Variants in GFPT2 observed in about 807,000 individuals in gnomAD.
GFPT2 encodes the protein glutamine--fructose-6-phosphate aminotransferase [isomerizing] 2.
GFPT2 carries 62 observed loss-of-function variants against 85.6 expected under a neutral mutation model. The observed-to-expected ratio is 0.72, with a 90% CI of 0.59 to 0.90. The LOEUF is 0.90. Ranked by LOEUF, GFPT2 falls within the 40% of genes least tolerant of loss-of-function variation. GFPT2 has a pLI of 0.00. For missense variants in GFPT2, 788 were observed against 893.4 expected, an observed-to-expected ratio of 0.88 and a Z score of 1.50; for synonymous variants, 368 against 344.5, an observed-to-expected ratio of 1.07 and a Z score of -0.75.
At chr5:180,333,297 C>T (rs1053718955) in intron 4 of GFPT2, among the ~76,000 whole-genome samples, 4 of 151,740 alleles carry the variant, frequency 2.6e-5, no homozygotes, top group East Asian at 1.9e-4. Context: ...TGCAGTGGCG[C>T]GAGCTCGGCT....
chr5:180,339,102 G>A (rs536656599), intron 1 of GFPT2, among the ~76,000 whole-genome samples: 6 of 152,120 alleles, frequency 3.9e-5, no homozygotes, highest in African/African-American at 1.2e-4. Context: ...TACTTGAGCC[G>A]GGGGCGGTGG....
rs577921739 is a variant in GFPT2 at position 180,350,554 on chromosome 5, C to T, written c.7+2657G>A. On this transcript the variant is annotated intron_variant, in intron 1 of 18. Transcript: ENST00000253778. ...CCTTCTTTGAGGGGAGGACCACACC[C>T]ATGAGATCTTCGAGTCCCCCAGGGC... Among the ~76,000 whole-genome samples, 135 of 152,306 alleles carry T rather than the reference C, an allele frequency of 8.9e-4. 1 individual carries two copies. Among genetic ancestry groups the T allele is most frequent in the Middle Eastern group, 3.4e-3 (1 of 294 alleles).
intron 4 of GFPT2, 147 bp downstream of exon 4, chr5:180,335,681 G>T: frequency 1.2e-6 from 1 of 836,080 alleles, no homozygotes; most frequent in Non-Finnish European, 1.8e-6. Context: ...AGAGCTCTGG[G>T]AGAGGGGACA....
Position 180,328,019 on chromosome 5 carries a change from C to T in GFPT2, c.596+258G>A, listed in dbSNP as rs1225870682. Among the ~76,000 whole-genome samples, 1 of 152,050 alleles carries T rather than the reference C, an allele frequency of 6.6e-6. No homozygotes were observed. The highest frequency in any genetic ancestry group is 1.5e-5 in the Non-Finnish European group (1 of 68,012). On this transcript the variant is annotated intron_variant, in intron 7 of 18. Coordinates refer to ENST00000253778, the MANE Select transcript of GFPT2 (RefSeq NM_005110.4). The surrounding 1 kb of genome is among the most constrained non-coding windows in gnomAD (Gnocchi z 5.4). The stretch of plus-strand genomic sequence containing the variant: ...TTTATTTATAACTGGAATTTGTTGC[C>T]CACCTCTAAAAATCTGTGGAGATTT...
rs1187385339 is a variant in GFPT2 at position 180,324,822 on chromosome 5, T to C, written c.670A>G (p.Arg224Gly). The C allele has an allele frequency of 6.3e-7, 1 of 1,590,586 alleles. No homozygotes were observed. Among genetic ancestry groups the C allele is most frequent in the South Asian group, 1.1e-5 (1 of 90,576 alleles). ...TACTTCTTGAGAAACTTACACGTCC[T>C]GTATAAGATAGGGATCTGTTCTGTG... ...LSTEQIPILY[R>G]TCTLENVKNI... The change falls in exon 8 of 19, where the codon AGG (arginine) becomes GGG (glycine). Residue 224 changes from arginine (R) to glycine (G), a missense_variant. Physicochemically the swap from Arg to Gly is moderately radical, Grantham distance 125. Coordinates refer to ENST00000253778, the MANE Select transcript of GFPT2 (RefSeq NM_005110.4).
intron 15 of GFPT2, 22 bp downstream of exon 15, chr5:180,312,408 A>G (rs1561873571): frequency 8.2e-7 from 1 of 1,226,044 alleles, no homozygotes; most frequent in Non-Finnish European, 1.2e-6. Context: ...GAAAACATGG[A>G]AAGCTGAATT....
At chr5:180,352,724 C>G in intron 1 of GFPT2, 1 of 407,106 alleles carries the variant, frequency 2.5e-6, no homozygotes, top group Non-Finnish European at 4.8e-6. Flanking sequence ...ACCGGGCGGG[C>G]TGCGGGGACG....
chr5:180,333,383 C>T (rs1007532991), intron 4 of GFPT2, among the ~76,000 whole-genome samples: 8 of 152,104 alleles, frequency 5.3e-5, no homozygotes, highest in African/African-American at 1.4e-4. Context: ...CACAGGCACC[C>T]GCCACCATGC....
intron 3 of GFPT2, 110 bp from the exon 4 acceptor site, chr5:180,336,063 C>A: frequency 2.8e-6 from 3 of 1,063,868 alleles, no homozygotes; most frequent in Non-Finnish European, 2.7e-6. Flanking sequence ...ACCGATGGCA[C>A]CTCCCCACCA....
At chr5:180,336,311 C>T (rs1037881598) in intron 3 of GFPT2, 168 bp downstream of exon 3, 16 of 650,260 alleles carry the variant, frequency 2.5e-5, no homozygotes, top group Non-Finnish European at 4.4e-5. Flanking sequence ...CTAAAATAAA[C>T]CATCCCATAC....
At chr5:180,306,059 A>C (rs1364633178) in intron 16 of GFPT2, among the ~76,000 whole-genome samples, 1 of 145,646 alleles carries the variant, frequency 6.9e-6, no homozygotes, top group Non-Finnish European at 1.5e-5. Flanking sequence ...ATCTTGGCTC[A>C]CTGCAACCTC....
chr5:180,316,616 A>C, intron 12 of GFPT2, 148 bp downstream of exon 12: 1 of 920,658 alleles, frequency 1.1e-6, no homozygotes, highest in Non-Finnish European at 1.7e-6. Flanking sequence ...CGAAGATAAA[A>C]GGGCTCCGTG....
At chr5:180,319,667 A>G (rs1764081964) in intron 9 of GFPT2, among the ~76,000 whole-genome samples, 1 of 152,242 alleles carries the variant, frequency 6.6e-6, no homozygotes, top group African/African-American at 2.4e-5. Context: ...CAAACCCCTG[A>G]TGGCTCTTAG....
Position 180,310,832 on chromosome 5 carries a change from C to CAAAAAAA in GFPT2, c.1546+1591_1546+1597dup, listed in dbSNP as rs3080055. Among the ~76,000 whole-genome samples, 29 of 50,582 alleles carry CAAAAAAA rather than the reference C, an allele frequency of 5.7e-4. 1 individual carries two copies. The highest frequency in any genetic ancestry group is 6.9e-4 in the East Asian group (1 of 1,448). The allele number at this position is 50,582 out of a possible 152,430, so 33.2% of individuals were successfully genotyped here. ...CTGCCTTTGCAAATGTGGACACAGG[C>CAAAAAAA]AAAAAAAAAAAAAAAAAAAAAAAAA... On this transcript the variant is annotated intron_variant, in intron 15 of 18. Transcript: ENST00000253778.
intron 17 of GFPT2, 93 bp downstream of exon 17, chr5:180,304,679 C>T (rs1763742099): frequency 1.7e-6 from 2 of 1,172,066 alleles, no homozygotes; most frequent in Non-Finnish European, 1.2e-6. Flanking sequence ...ACTGGCCAGA[C>T]CATCCATCAC....
At chr5:180,319,090 A>G (rs1461992792) in intron 9 of GFPT2, 134 bp from the exon 10 acceptor site, 1 of 705,616 alleles carries the variant, frequency 1.4e-6, no homozygotes, top group Non-Finnish European at 2.4e-6. Context: ...CACTAAAAAC[A>G]TTGATTTGCA....
intron 1 of GFPT2, 46 bp from the exon 2 acceptor site, chr5:180,338,646 G>T: frequency 2.5e-6 from 3 of 1,186,056 alleles, no homozygotes; most frequent in Non-Finnish European, 2.5e-6. Flanking sequence ...TACTCAGCTC[G>T]TGTTTGGAAG....
At chr5:180,350,941 G>A (rs561821052) in intron 1 of GFPT2, among the ~76,000 whole-genome samples, 2 of 152,176 alleles carry the variant, frequency 1.3e-5, no homozygotes, top group Non-Finnish European at 2.9e-5. Flanking sequence ...TCTGAGACCC[G>A]AGGCCTGCTC....
chr5:180,304,716 G>A, intron 17 of GFPT2, 56 bp downstream of exon 17: 3 of 1,452,486 alleles, frequency 2.1e-6, no homozygotes, highest in Non-Finnish European at 2.9e-6. Flanking sequence ...TGGTGAGGTG[G>A]GCATGCATGG....
Sources: allele counts gnomAD v4.1 joint callset (sites outside exome capture counted in the v4.1 genomes callset), GRCh38; gene constraint gnomAD v4.1.1; non-coding constraint Gnocchi (gnomAD v3.1); transcripts MANE v1.5; gene names NCBI Gene and HGNC (gene_info 2026-07-23, HGNC 2026-07-21).